ODF2: variants seen among roughly 807,000 people sequenced by gnomAD.
ODF2 encodes the protein outer dense fiber of sperm tails 2, also known as outer dense fiber protein 2.
ODF2 carries 47 observed loss-of-function variants against 110.2 expected under a neutral mutation model. That is an observed-to-expected ratio of 0.43 (90% CI 0.34 to 0.54). ODF2 has a LOEUF of 0.54. Among genes scored for constraint, ODF2 ranks in the 20% least tolerant of loss-of-function variants. ODF2 has a pLI of 0.03. For missense variants in ODF2, 812 were observed against 1,054.5 expected, an observed-to-expected ratio of 0.77 and a Z score of 3.19; for synonymous variants, 352 against 397.7, an observed-to-expected ratio of 0.89 and a Z score of 1.37.
chr9:128,473,720 G>A (rs1324803839), exon 8 of ODF2: 2 of 1,613,348 alleles, frequency 1.2e-6, no homozygotes, highest in Non-Finnish European at 1.7e-6. Flanking sequence ...GAGACCTCCT[G>A]AGGGAACAGC....
intron 13 of ODF2, among the ~76,000 whole-genome samples, chr9:128,487,020 T>G (rs1843491390): frequency 6.6e-6 from 1 of 152,140 alleles, no homozygotes; most frequent in African/African-American, 2.4e-5. Flanking sequence ...GTCCTTGCCT[T>G]CAAAGGGTAT....
rs1374445698 is a variant in ODF2 at position 128,484,878 on chromosome 9, G to A, written c.1282G>A (p.Ala428Thr). ...TGCTGAGCAGCTACACGTGCAACTC[G>A]CTGACAAGGTCGCAGGCCCGCGGTG... The change falls in exon 12 of 21, where the codon GCT becomes ACT. Residue 428 changes from alanine (A) to threonine (T), a missense_variant. Coordinates refer to ENST00000604420, the Ensembl canonical transcript of ODF2. The A allele has an allele frequency of 4.3e-6, 7 of 1,613,418 alleles. No homozygotes were observed. In the South Asian group the frequency reaches 5.5e-5, roughly 13 times the overall value.
chr9:128,460,254 G>A, intron 3 of ODF2: 1 of 1,343,410 alleles, frequency 7.4e-7, no homozygotes, highest in Non-Finnish European at 9.8e-7. Context: ...AGGAGATCCA[G>A]CCCTAAGAAC....
chr9:128,455,857 G>A (rs1588652458), upstream of ODF2: 11 of 960,438 alleles, frequency 1.1e-5, no homozygotes, highest in African/African-American at 1.7e-5. Context: ...GCTCCTTTGA[G>A]TGAGGGGAAT....
rs114410210 is a variant in ODF2 at position 128,490,835 on chromosome 9, G to A, written c.1537-1591G>A. ...TTTTTGAGCTTTATCTCTCTTTTAA[G>A]TGACTACTAGTTACTTTATTCATTT... is the stretch of plus-strand genomic sequence containing the variant. On this transcript the variant is annotated intron_variant, in intron 14 of 20. Transcript: ENST00000604420. 7.8e-3 allele frequency among the ~76,000 whole-genome samples: 1,180 copies of A among 152,154 alleles called. 12 individuals carry two copies. The highest frequency in any genetic ancestry group is 0.027 in the African/African-American group (1,104 of 41,502).
chr9:128,465,193 T>G (rs1287296014), intron 4 of ODF2, among the ~76,000 whole-genome samples: 1 of 152,166 alleles, frequency 6.6e-6, no homozygotes, highest in Non-Finnish European at 1.5e-5. Flanking sequence ...TAGCTGTCTT[T>G]TCTGCTTTCA....
chr9:128,456,085 C>G, upstream of ODF2: 1 of 1,539,642 alleles, frequency 6.5e-7, no homozygotes, highest in African/African-American at 1.4e-5. Context: ...GGGGTTTGAA[C>G]TGGCCAATGG....
chr9:128,461,564 G>C (rs548360402), intron 4 of ODF2, among the ~76,000 whole-genome samples: 3 of 152,016 alleles, frequency 2.0e-5, no homozygotes, highest in Non-Finnish European at 4.4e-5. Context: ...GACTACAGGC[G>C]CCCGCCACCA....
chr9:128,471,257 A>G (rs1477588616), intron 5 of ODF2, 51 bp from the exon 6 acceptor site: 1 of 1,554,036 alleles, frequency 6.4e-7, no homozygotes, highest in African/African-American at 1.4e-5. Context: ...GCAATGTGGC[A>G]TAGAGGAAGG....
intron 1 of ODF2, chr9:128,456,579 G>T: frequency 6.6e-7 from 1 of 1,524,980 alleles, no homozygotes; most frequent in Non-Finnish European, 8.8e-7. Flanking sequence ...GCCTGCTGGT[G>T]GGTGGCCGTC....
chr9:128,485,102 G>A lies in ODF2; in HGVS notation c.1290+216G>A, dbSNP rs1179638513. 1.3e-5 allele frequency among the ~76,000 whole-genome samples: 2 copies of A among 152,152 alleles called. No individual in the cohort carries two copies. Among genetic ancestry groups the A allele is most frequent in the East Asian group, 3.9e-4 (2 of 5,194 alleles). ...GTGGCTGGAGATGATTGGAGGCTTT[G>A]TAGGAGAGTTCAGCCACATCAGCTT... On this transcript the variant is annotated intron_variant, in intron 12 of 20. Coordinates refer to ENST00000604420, the Ensembl canonical transcript of ODF2. This position sits in a 1 kb window ranked among gnomAD's most constrained non-coding sequence, Gnocchi z 5.0.
rs914052916 is a variant in ODF2, at chr9:128,494,941, T to C, written c.1911+273T>C. 1.0e-6 allele frequency: 1 copy of C among 964,632 alleles called. No individual in the cohort carries two copies. Among genetic ancestry groups the C allele is most frequent in the Non-Finnish European group, 1.5e-6 (1 of 674,008 alleles). The allele number at this position is 964,632 out of a possible 1,614,324, so 59.8% of individuals were successfully genotyped here. A position where few individuals can be genotyped will look rare whatever the true frequency, so the allele number is the denominator to read the frequency against. On this transcript the variant is annotated intron_variant, in intron 17 of 20. Transcript: ENST00000604420. This position sits in a 1 kb window ranked among gnomAD's most constrained non-coding sequence, Gnocchi z 4.6. ...CCCACCCAAGACTGCTGCCTCTGCC[T>C]GTGTGCTCCGCAGCTGTCCTCAGCT...
At chr9:128,461,205 C>G (rs1836358883) in intron 4 of ODF2, 138 bp downstream of exon 4, 1 of 1,089,030 alleles carries the variant, frequency 9.2e-7, no homozygotes, top group Non-Finnish European at 1.3e-6. Flanking sequence ...TTGCTAAACC[C>G]TGAAACTATG....
At chr9:128,460,862 T>TAATGTAAG in intron 3 of ODF2, 80 bp from the exon 4 acceptor site, 1 of 1,591,592 alleles carries the variant, frequency 6.3e-7, no homozygotes, top group South Asian at 1.1e-5. Flanking sequence ...GGCACTCTGC[T>TAATGTAAG]AGTCGGAGAG....
intron 5 of ODF2, among the ~76,000 whole-genome samples, chr9:128,469,847 G>A (rs1839263665): frequency 6.7e-6 from 1 of 149,232 alleles, no homozygotes; most frequent in African/African-American, 2.5e-5. Flanking sequence ...AGCCATGCGT[G>A]GTGGCGTGCA....
At chr9:128,490,062 A>C (rs1449364317) in intron 14 of ODF2, among the ~76,000 whole-genome samples, 1 of 152,126 alleles carries the variant, frequency 6.6e-6, no homozygotes, top group Non-Finnish European at 1.5e-5. Flanking sequence ...GTTATTTAGG[A>C]GGCCAGCCAT....
chr9:128,456,064 C>A, upstream of ODF2: 1 of 1,510,342 alleles, frequency 6.6e-7, no homozygotes, highest in South Asian at 1.2e-5. Context: ...GAAACCCAAG[C>A]GGCTCCCGGG....
At chr9:128,476,107 T>C (rs1382661522) in intron 8 of ODF2, among the ~76,000 whole-genome samples, 1 of 152,142 alleles carries the variant, frequency 6.6e-6, no homozygotes, top group Non-Finnish European at 1.5e-5. Flanking sequence ...CTGCGTTTTC[T>C]TCATTCATCT....
At chr9:128,493,024 CTT>C (rs781644769) in intron 16 of ODF2, among the ~76,000 whole-genome samples, 6 of 141,466 alleles carry the variant, frequency 4.2e-5, no homozygotes, top group Middle Eastern at 3.7e-3. Flanking sequence ...GCTGCTTTGT[CTT>C]TTTTTTTTTT....
Sources: allele counts gnomAD v4.1 joint callset (sites outside exome capture counted in the v4.1 genomes callset), GRCh38; gene constraint gnomAD v4.1.1; non-coding constraint Gnocchi (gnomAD v3.1); transcripts MANE v1.5; gene names NCBI Gene and HGNC (gene_info 2026-07-23, HGNC 2026-07-21).